The following HYAL4 variants were observed in gnomAD, a reference collection of about 807,000 sequenced individuals.
The protein encoded by HYAL4 is hyaluronidase 4.
HYAL4 carries 37 observed loss-of-function variants against 35.2 expected under a neutral mutation model. That is an observed-to-expected ratio of 1.05 (90% confidence interval 0.81 to 1.38). The LOEUF (loss-of-function observed/expected upper bound fraction) is 1.38, where lower values mean the gene tolerates loss of function less well. Ranked by LOEUF, HYAL4 falls within the 40% of genes most tolerant of loss-of-function variation. The pLI, the probability that HYAL4 is intolerant of heterozygous loss-of-function variation, is 0.00. For synonymous variants in HYAL4, 198 were observed against 203.2 expected (o/e 0.97, Z 0.22); for missense variants, 572 against 572.4 (o/e 1.00, Z 0.01).
chr7:123,789,867 T>C, the HYAL4 span, among the ~76,000 whole-genome samples: 2 of 152,032 alleles, frequency 1.3e-5, no homozygotes, highest in African/African-American at 2.4e-5. Context: ...GACAGAGAGA[T>C]TGAGAGCCAG....
the HYAL4 span, among the ~76,000 whole-genome samples, chr7:123,766,408 G>T: frequency 6.6e-6 from 1 of 151,966 alleles, no homozygotes; most frequent in Non-Finnish European, 1.5e-5. Flanking sequence ...GAGATGTGGG[G>T]TTTACGAGTT....
the HYAL4 span, among the ~76,000 whole-genome samples, chr7:123,775,030 T>C: frequency 6.6e-6 from 1 of 152,238 alleles, no homozygotes; most frequent in African/African-American, 2.4e-5. Context: ...CCACTCTGGA[T>C]ACCTGGAGTC....
the HYAL4 span, among the ~76,000 whole-genome samples, chr7:123,789,101 G>A: frequency 7.2e-5 from 11 of 152,196 alleles, no homozygotes; most frequent in Non-Finnish European, 1.5e-4. Flanking sequence ...ACATATTTAT[G>A]AAGACATCTT....
chr7:123,836,935 G>T (rs979843727), intron 1 of HYAL4, among the ~76,000 whole-genome samples: 7 of 151,222 alleles, frequency 4.6e-5, no homozygotes, highest in African/African-American at 1.7e-4. Flanking sequence ...GACTGAGACA[G>T]GAGAATCGCT....
chr7:123,846,482 T>C (rs542165115), intron 1 of HYAL4, among the ~76,000 whole-genome samples: 3 of 152,092 alleles, frequency 2.0e-5, no homozygotes, highest in African/African-American at 7.2e-5. Context: ...AAGGCCAGTC[T>C]CACTCCCACC....
At chr7:123,826,278 G>A (rs550602979), upstream of HYAL4, among the ~76,000 whole-genome samples, 10 of 152,144 alleles carry the variant, frequency 6.6e-5, no homozygotes, top group African/African-American at 2.4e-4. Flanking sequence ...CTAAGGTGGA[G>A]CTTCTAAGAG....
intron 3 of HYAL4, among the ~76,000 whole-genome samples, chr7:123,872,788 A>G (rs191096464): frequency 3.3e-5 from 5 of 152,268 alleles, no homozygotes; most frequent in Non-Finnish European, 5.9e-5. Flanking sequence ...TTTGTGATTC[A>G]TTCAGCACCC....
chr7:123,831,441 C>CT (rs1211887324), intron 1 of HYAL4, among the ~76,000 whole-genome samples: 15 of 152,216 alleles, frequency 9.9e-5, no homozygotes, highest in Admixed American at 4.6e-4. Flanking sequence ...TCGGAGAACT[C>CT]TTTTTTGTGT....
chr7:123,875,390 G>A (rs1806984584), intron 4 of HYAL4, among the ~76,000 whole-genome samples: 1 of 152,086 alleles, frequency 6.6e-6, no homozygotes, highest in African/African-American at 2.4e-5. Flanking sequence ...TTATGGCGGG[G>A]CACGGTGGCT....
chr7:123,868,208 T>G lies in HYAL4; in HGVS notation c.-51-15T>G. The G allele has an allele frequency of 1.3e-6, 1 of 755,588 alleles. No individual in the cohort carries two copies. Among genetic ancestry groups the G allele is most frequent in the Non-Finnish European group, 2.0e-6 (1 of 495,634 alleles). 46.8% of individuals were successfully genotyped at this position (755,588 alleles called of 1,614,324 possible). On this transcript the variant is annotated splice_polypyrimidine_tract_variant and intron_variant, in intron 2 of 4. Coordinates refer to ENST00000223026, the MANE Select transcript of HYAL4 (RefSeq NM_012269.3). ...CTCAAAACTATGACTAACAGAAAAT[T>G]AAATCTCTCCACAGGTCTTCTAGAG...
At chr7:123,820,302 C>T in the HYAL4 span, among the ~76,000 whole-genome samples, 2 of 151,960 alleles carry the variant, frequency 1.3e-5, no homozygotes, top group Non-Finnish European at 2.9e-5. Context: ...TGGCTGGGCA[C>T]GGTGGCTCAC....
chr7:123,861,273 G>T (rs1329211602), intron 2 of HYAL4, among the ~76,000 whole-genome samples: 1 of 152,150 alleles, frequency 6.6e-6, no homozygotes, highest in African/African-American at 2.4e-5. Context: ...AGTATTTTAA[G>T]TTGTAATCTT....
chr7:123,822,355 C>T, the HYAL4 span, among the ~76,000 whole-genome samples: 67 of 152,064 alleles, frequency 4.4e-4, no homozygotes, highest in Non-Finnish European at 6.2e-4. Context: ...AAGTCTTTCA[C>T]TTTTTTGGTT....
chr7:123,777,914 C>T, the HYAL4 span, among the ~76,000 whole-genome samples: 1,314 of 147,004 alleles, frequency 8.9e-3, 19 homozygotes, highest in African/African-American at 0.031. Context: ...CAAAATTCTT[C>T]GTTAGTTTTT....
chr7:123,835,651 C>T (rs1805952501), intron 1 of HYAL4, among the ~76,000 whole-genome samples: 1 of 151,926 alleles, frequency 6.6e-6, no homozygotes, highest in Non-Finnish European at 1.5e-5. Context: ...TTCTCTAGTT[C>T]CTTGCAGTGT....
chr7:123,767,072 A>C, the HYAL4 span, among the ~76,000 whole-genome samples: 1 of 152,218 alleles, frequency 6.6e-6, no homozygotes, highest in Non-Finnish European at 1.5e-5. Context: ...ATAGTATTAA[A>C]CTATCAAATA....
At chr7:123,827,788 C>G (rs963246907), upstream of HYAL4, among the ~76,000 whole-genome samples, 1 of 152,070 alleles carries the variant, frequency 6.6e-6, no homozygotes, top group Non-Finnish European at 1.5e-5. Flanking sequence ...CTGGGGCCTC[C>G]TCTTACTGAG....
At chr7:123,815,642 G>A in the HYAL4 span, among the ~76,000 whole-genome samples, 1 of 152,294 alleles carries the variant, frequency 6.6e-6, no homozygotes, top group Admixed American at 6.5e-5. Context: ...AGATGAGCTT[G>A]TTTAGAAGAT....
the HYAL4 span, among the ~76,000 whole-genome samples, chr7:123,807,090 C>G: frequency 2.0e-5 from 3 of 152,114 alleles, 1 homozygote; most frequent in Admixed American, 2.0e-4. Flanking sequence ...AGCAATTTCC[C>G]TGCTTATTTC....
Sources: allele counts gnomAD v4.1 joint callset (sites outside exome capture counted in the v4.1 genomes callset), GRCh38; gene constraint gnomAD v4.1.1; transcripts MANE v1.5; gene names NCBI Gene and HGNC (gene_info 2026-07-23, HGNC 2026-07-21).